Variants in CDH13 observed in about 807,000 individuals in gnomAD.
CDH13 encodes cadherin 13, also known as cadherin-13.
In CDH13, 24 loss-of-function variants were observed where a neutral mutation model predicts 63.8. The observed-to-expected ratio is 0.38, with a 90% CI of 0.27 to 0.53. CDH13 has a LOEUF of 0.53. Ranked by LOEUF, CDH13 falls within the 20% of genes least tolerant of loss-of-function variation. The pLI is 0.85. For missense variants in CDH13, 1,049 were observed against 903.1 expected (o/e 1.16, Z -2.07); for synonymous variants, 503 against 355.3 (o/e 1.42, Z -4.67).
chr16:83,501,808 G>A (rs530914416), intron 7 of CDH13, among the ~76,000 whole-genome samples: 2 of 152,194 alleles, frequency 1.3e-5, no homozygotes, highest in Non-Finnish European at 2.9e-5. Context: ...ATGTCTCAAG[G>A]ACAACTTTAT....
intron 2 of CDH13, among the ~76,000 whole-genome samples, chr16:82,889,713 T>C (rs2041013813): frequency 6.6e-6 from 1 of 152,260 alleles, no homozygotes. Context: ...GCTCTGTCTA[T>C]GTTGTACTTA....
intron 8 of CDH13, among the ~76,000 whole-genome samples, chr16:83,646,356 C>G (rs1177026935): frequency 6.6e-6 from 1 of 152,130 alleles, no homozygotes; most frequent in Non-Finnish European, 1.5e-5. Flanking sequence ...CACCATTCCA[C>G]TAATAAGCTT....
At chr16:83,669,593 C>A (rs1914321713) in intron 8 of CDH13, among the ~76,000 whole-genome samples, 1 of 152,144 alleles carries the variant, frequency 6.6e-6, no homozygotes, top group African/African-American at 2.4e-5. Flanking sequence ...TTATGGAAGA[C>A]AACTCGCCCA....
At chr16:82,984,808 A>T (rs1329341084) in intron 2 of CDH13, among the ~76,000 whole-genome samples, 2 of 152,206 alleles carry the variant, frequency 1.3e-5, no homozygotes, top group East Asian at 1.9e-4. Flanking sequence ...ATACTATGCT[A>T]TGTGTGTATA....
At chr16:82,695,905 G>A (rs769168359) in intron 1 of CDH13, among the ~76,000 whole-genome samples, 1 of 152,178 alleles carries the variant, frequency 6.6e-6, no homozygotes, top group Non-Finnish European at 1.5e-5. Flanking sequence ...CCCATTTAAA[G>A]CAGCCTTGCA....
intron 3 of CDH13, among the ~76,000 whole-genome samples, chr16:83,089,206 T>C (rs1390660088): frequency 6.6e-6 from 1 of 152,182 alleles, no homozygotes; most frequent in African/African-American, 2.4e-5. Flanking sequence ...TCACAGGTAG[T>C]GAATGGCAGA....
At chr16:83,720,241 C>G (rs917455440) in intron 10 of CDH13, among the ~76,000 whole-genome samples, 2 of 152,124 alleles carry the variant, frequency 1.3e-5, no homozygotes, top group Non-Finnish European at 2.9e-5. Context: ...CATGCACATA[C>G]ATGTCCACAC....
intron 7 of CDH13, among the ~76,000 whole-genome samples, chr16:83,582,706 G>A (rs1294610807): frequency 6.6e-6 from 1 of 152,156 alleles, no homozygotes; most frequent in Non-Finnish European, 1.5e-5. Context: ...GCATAAGACC[G>A]TGTGCTGACG....
At position 83,110,770 on chromosome 16, in the gene CDH13, C is replaced by CA. The variant is rs1018964770; in HGVS notation, c.367-14607dup. Reference sequence around the variant, plus strand: ...GGGCTTCTTTCTGAAATTTTTGAAACAAAAAAAACCAAGGTGTGACAGTTA... The same window carrying CA: ...GGGCTTCTTTCTGAAATTTTTGAAACAAAAAAAAACCAAGGTGTGACAGTTA... On this transcript the variant is annotated intron_variant, in intron 3 of 13. Coordinates refer to ENST00000567109, the MANE Select transcript of CDH13 (RefSeq NM_001257.5). 2.4e-4 allele frequency among the ~76,000 whole-genome samples: 37 copies of CA among 151,094 alleles called. 1 individual carries two copies. The highest frequency in any genetic ancestry group is 6.6e-4 in the African/African-American group (27 of 41,204).
At chr16:83,607,917 T>TA (rs1306232647) in intron 8 of CDH13, among the ~76,000 whole-genome samples, 2 of 151,934 alleles carry the variant, frequency 1.3e-5, no homozygotes, top group Non-Finnish European at 1.5e-5. Context: ...GTTATTTTAT[T>TA]AAAAAAAAGA....
At chr16:83,660,809 A>G (rs559305423) in intron 8 of CDH13, among the ~76,000 whole-genome samples, 117 of 152,356 alleles carry the variant, frequency 7.7e-4, no homozygotes, top group Admixed American at 2.2e-3. Context: ...ACTATTTTCA[A>G]TTATCTTGTC....
At chr16:83,466,897 C>T (rs1200259877) in intron 6 of CDH13, among the ~76,000 whole-genome samples, 3 of 152,164 alleles carry the variant, frequency 2.0e-5, no homozygotes, top group African/African-American at 7.2e-5. Flanking sequence ...CCATGCCAAG[C>T]CAAGCCCAAT....
chr16:83,249,875 G>C (rs1402046206), intron 5 of CDH13, among the ~76,000 whole-genome samples: 1 of 152,228 alleles, frequency 6.6e-6, no homozygotes, highest in Non-Finnish European at 1.5e-5. Context: ...CTGTTTGGAT[G>C]ATAGCTTCTC....
rs11150499 is a variant in CDH13 at position 82,851,445 on chromosome 16, T to G, written c.46-6917T>G. On this transcript the variant is annotated intron_variant, in intron 1 of 13. Coordinates refer to ENST00000567109, the MANE Select transcript of CDH13 (RefSeq NM_001257.5). Reference sequence around the variant, plus strand: ...GTGAGATTTCGTCTCAAAAAAAAAATAAAAAGAAAAAGAAAAAGAAAAAAG... The same window carrying G: ...GTGAGATTTCGTCTCAAAAAAAAAAGAAAAAGAAAAAGAAAAAGAAAAAAG... Among the ~76,000 whole-genome samples the G allele has an allele frequency of 3.8e-3, 66 of 17,592 alleles. 1 individual carries two copies. Among genetic ancestry groups the G allele is most frequent in the East Asian group, 0.036 (3 of 84 alleles). The allele number at this position is 17,592 out of a possible 152,430, so 11.5% of individuals were successfully genotyped here.
chr16:83,393,721 A>C (rs749555105), intron 6 of CDH13, among the ~76,000 whole-genome samples: 17 of 152,306 alleles, frequency 1.1e-4, no homozygotes, highest in Non-Finnish European at 2.4e-4. Context: ...TCCCCTGGTC[A>C]AGGAACCAGG....
chr16:83,180,969 T>C (rs1458127455), intron 4 of CDH13: 5 of 1,532,408 alleles, frequency 3.3e-6, no homozygotes, highest in Non-Finnish European at 4.4e-6. Context: ...ATGAACATCC[T>C]ATTTGGCGAC....
At chr16:82,852,415 G>A (rs1413483945) in intron 1 of CDH13, among the ~76,000 whole-genome samples, 1 of 152,112 alleles carries the variant, frequency 6.6e-6, no homozygotes, top group East Asian at 1.9e-4. Context: ...TCTTTCTATT[G>A]GATGACTCTG....
At chr16:83,373,381 G>T (rs937488802) in intron 6 of CDH13, among the ~76,000 whole-genome samples, 1 of 152,124 alleles carries the variant, frequency 6.6e-6, no homozygotes, top group Non-Finnish European at 1.5e-5. Context: ...GATCTAGAAG[G>T]CTCCCAGGCA....
chr16:83,676,593 T>G (rs1216511502), intron 9 of CDH13, among the ~76,000 whole-genome samples: 1 of 152,224 alleles, frequency 6.6e-6, no homozygotes, highest in African/African-American at 2.4e-5. Flanking sequence ...GAATTACTGC[T>G]GTGTTACAAG....
Sources: allele counts gnomAD v4.1 joint callset (sites outside exome capture counted in the v4.1 genomes callset), GRCh38; gene constraint gnomAD v4.1.1; transcripts MANE v1.5; gene names NCBI Gene and HGNC (gene_info 2026-07-23, HGNC 2026-07-21).